The following GBF1 variants were observed in gnomAD, a reference collection of about 807,000 sequenced individuals.
The protein encoded by GBF1 is Golgi-specific brefeldin A-resistance guanine nucleotide exchange factor 1.
A neutral mutation model predicts 210.5 loss-of-function variants in GBF1; 114 were observed. The ratio of observed to expected loss-of-function variants is 0.54; its 90% CI spans 0.47 to 0.63. GBF1 has a LOEUF of 0.63. Among genes scored for constraint, GBF1 ranks in the 30% least tolerant of loss-of-function variants. The probability of loss-of-function intolerance (pLI) is 0.00; values close to 1 mark genes in which losing one functional copy is unlikely to be tolerated. For missense variants in GBF1, 1,851 were observed against 2,357.7 expected, an observed-to-expected ratio of 0.79 and a Z score of 4.45; for synonymous variants, 850 against 889.2, an observed-to-expected ratio of 0.96 and a Z score of 0.78.
At chr10:102,260,141 T>A (rs751143615) in intron 3 of GBF1, 25 bp downstream of exon 3, 1 of 1,176,622 alleles carries the variant, frequency 8.5e-7, no homozygotes, top group Non-Finnish European at 1.3e-6. Flanking sequence ...GTATGTGGAT[T>A]ACTAATCTTG....
chr10:102,300,995 GTATT>G (rs2077294217), intron 3 of GBF1, among the ~76,000 whole-genome samples: 1 of 110,938 alleles, frequency 9.0e-6, no homozygotes, highest in Non-Finnish European at 1.9e-5. Flanking sequence ...TTTTTTTTAA[GTATT>G]TATTGATCAT....
chr10:102,314,591 A>G (rs1007058024), intron 3 of GBF1, among the ~76,000 whole-genome samples: 1 of 152,286 alleles, frequency 6.6e-6, no homozygotes, highest in South Asian at 2.1e-4. Flanking sequence ...AGGCCAGGCA[A>G]TGATCTCACT....
rs957330659 is a variant in GBF1, at chr10:102,375,110, G to A, written c.3661-249G>A. ...GATCACTTGAGCCCAGGAGTTTCAGGTTGCAGTGAGCTGTGATTGTGCTAC... is the reference window on the plus strand; with the variant it reads ...GATCACTTGAGCCCAGGAGTTTCAGATTGCAGTGAGCTGTGATTGTGCTAC... On this transcript the variant is annotated intron_variant, in intron 29 of 39. Coordinates refer to ENST00000369983, the MANE Select transcript of GBF1 (RefSeq NM_001377137.1). 3.3e-5 allele frequency among the ~76,000 whole-genome samples: 5 copies of A among 151,882 alleles called. No individual in the cohort carries two copies. The East Asian group carries it at 9.7e-4, about 29-fold the overall frequency.
intron 3 of GBF1, among the ~76,000 whole-genome samples, chr10:102,282,942 C>T (rs1484636853): frequency 5.9e-5 from 9 of 151,944 alleles, no homozygotes; most frequent in South Asian, 4.1e-4. Context: ...ATGCTCTGTC[C>T]GGAGGGATGA....
chr10:102,283,076 G>GTCAC (rs1220874487), intron 3 of GBF1, among the ~76,000 whole-genome samples: 2 of 152,184 alleles, frequency 1.3e-5, no homozygotes, highest in Non-Finnish European at 2.9e-5. Context: ...AAGGTAAGGA[G>GTCAC]TCACTCATCT....
the GBF1 span, chr10:102,231,683 C>T: frequency 1.9e-6 from 3 of 1,612,190 alleles, no homozygotes; most frequent in Non-Finnish European, 8.5e-7. Flanking sequence ...GCCTCTAGCT[C>T]CTGTAGCTGC....
intron 3 of GBF1, among the ~76,000 whole-genome samples, chr10:102,293,764 G>GTTTTTTTTTTATTTTTTT (rs1263151407): frequency 3.9e-5 from 2 of 50,888 alleles, no homozygotes; most frequent in African/African-American, 1.1e-4. Flanking sequence ...GCTGTAGTAT[G>GTTTTTTTTTTATTTTTTT]TTTTGTGTTT....
At chr10:102,292,104 TGGTCTCGATCTCTTGACCTCGTGA>T (rs2076491187) in intron 3 of GBF1, among the ~76,000 whole-genome samples, 2 of 151,968 alleles carry the variant, frequency 1.3e-5, no homozygotes, top group Non-Finnish European at 2.9e-5. Context: ...TTAGCCAGGA[TGGTCTCGATCTCTTGACCTCGTGA>T]TCTGCCCGCC....
chr10:102,366,942 G>A lies in GBF1; in HGVS notation c.2434-143G>A. 1.2e-6 allele frequency: 1 copy of A among 838,416 alleles called. No individual in the cohort carries two copies. Among genetic ancestry groups the A allele is most frequent in the South Asian group, 1.7e-5 (1 of 58,684 alleles). The allele number at this position is 838,416 out of a possible 1,614,324, so 51.9% of individuals were successfully genotyped here. A position where few individuals can be genotyped will look rare whatever the true frequency, so the allele number is the denominator to read the frequency against. ...TAGTGACCTTTCCACAAAGAGATCA[G>A]CTTCTGTTAAGGAGTTGGCAAGAGA... On this transcript the variant is annotated intron_variant, in intron 19 of 39. Coordinates refer to ENST00000369983, the MANE Select transcript of GBF1 (RefSeq NM_001377137.1). The surrounding 1 kb of genome is among the most constrained non-coding windows in gnomAD (Gnocchi z 4.0).
At chr10:102,287,215 G>A (rs1300523097) in intron 3 of GBF1, among the ~76,000 whole-genome samples, 1 of 151,348 alleles carries the variant, frequency 6.6e-6, no homozygotes, top group African/African-American at 2.4e-5. Flanking sequence ...CGATTGCTGG[G>A]TAACAAATTA....
rs759324664 is a variant in GBF1 at position 102,344,213 on chromosome 10, A to G, written c.295+31A>G. On this transcript the variant is annotated intron_variant, in intron 4 of 39. Coordinates refer to ENST00000369983, the MANE Select transcript of GBF1 (RefSeq NM_001377137.1). ...AGCTCAGGCTTTGTTGCATGACCAC[A>G]GCACTTCATTTCCCACCTTTCCTGG... The G allele has an allele frequency of 3.1e-6, 5 of 1,610,556 alleles. No homozygotes were observed. The African/African-American group carries it at 6.7e-5, about 22-fold the overall frequency.
At chr10:102,247,533 T>C (rs2070997276) in intron 1 of GBF1, among the ~76,000 whole-genome samples, 1 of 152,234 alleles carries the variant, frequency 6.6e-6, no homozygotes, top group African/African-American at 2.4e-5. Flanking sequence ...ATGCTTTGCA[T>C]AACAGGCAAT....
chr10:102,369,482 T>C, intron 24 of GBF1, 95 bp downstream of exon 24: 2 of 1,023,186 alleles, frequency 2.0e-6, no homozygotes, highest in South Asian at 1.5e-5. Context: ...GAGAGTAATG[T>C]TGGGCCTGAT....
chr10:102,287,760 A>C (rs1277711842), intron 3 of GBF1, among the ~76,000 whole-genome samples: 1 of 152,220 alleles, frequency 6.6e-6, no homozygotes, highest in Non-Finnish European at 1.5e-5. Context: ...TTTCTGACCC[A>C]ACCTCAGAAG....
chr10:102,245,328 A>C (rs529701202), upstream of GBF1, among the ~76,000 whole-genome samples: 5 of 152,226 alleles, frequency 3.3e-5, no homozygotes, highest in South Asian at 1.0e-3. Flanking sequence ...TGTCACTCAG[A>C]GAGTACTCGT....
rs1460932300 is a variant in GBF1 at position 102,352,599 on chromosome 10, C to T, written c.584+81C>T. On this transcript the variant is annotated intron_variant, in intron 7 of 39. Coordinates refer to ENST00000369983, the MANE Select transcript of GBF1 (RefSeq NM_001377137.1). ...GCTTCCACACAGCCACGTCAGGGAC[C>T]TGGCCAACCCCACAGCCGCATCAGA... 20 of 921,682 alleles carry T rather than the reference C, an allele frequency of 2.2e-5. No individual in the cohort carries two copies. The South Asian group carries it at 2.5e-4, about 11-fold the overall frequency. 57.1% of individuals were successfully genotyped at this position (921,682 alleles called of 1,614,324 possible).
intron 14 of GBF1, 35 bp downstream of exon 14, chr10:102,361,947 C>T (rs545966799): frequency 9.5e-6 from 13 of 1,362,220 alleles, no homozygotes; most frequent in Admixed American, 6.7e-5. Context: ...TAGGAAAAAA[C>T]GCATTATAAA....
intron 1 of GBF1, among the ~76,000 whole-genome samples, chr10:102,256,318 G>A (rs944176278): frequency 7.2e-5 from 11 of 151,830 alleles, no homozygotes; most frequent in African/African-American, 1.9e-4. Flanking sequence ...TTCTTGGGGG[G>A]CCTCATCTTA....
rs765604208 is a variant in GBF1 at position 102,368,381 on chromosome 10, A to G, written c.2806A>G (p.Ile936Val). Residue 936 changes from isoleucine (I) to valine (V), a missense_variant, in exon 22 of 40, where the codon ATT (isoleucine) becomes GTT (valine). Around this residue, in one of 3 missense-constraint regions of GBF1, gnomAD observed 967 missense variants for 1,247.7 expected, o/e 0.78. Transcript: ENST00000369983. ...DLFTMTWGPT[I>V]AALSYVFDKS... ...CTTCACCATGACCTGGGGCCCCACT[A>G]TTGCTGCTCTCTCTTATGTCTTTGA... 1.9e-6 allele frequency: 3 copies of G among 1,613,794 alleles called. No individual in the cohort carries two copies. Among genetic ancestry groups the G allele is most frequent in the Non-Finnish European group, 2.5e-6 (3 of 1,179,850 alleles).
Sources: gnomAD v4.1 joint callset for allele counts (sites outside exome capture counted in the v4.1 genomes callset) on GRCh38, gnomAD v4.1.1 for gene constraint, gnomAD v4.1.1 regional missense constraint, Gnocchi (gnomAD v3.1) non-coding constraint, MANE v1.5 for transcripts, NCBI Gene and HGNC (gene_info 2026-07-23, HGNC 2026-07-21) for gene names.